Variants in ESYT3 observed in about 807,000 individuals in gnomAD.
ESYT3 encodes extended synaptotagmin 3, also known as extended synaptotagmin-3.
In ESYT3, 101 loss-of-function variants were observed where a neutral mutation model predicts 111.5. The observed-to-expected ratio is 0.91, with a 90% CI of 0.77 to 1.07. The LOEUF is 1.07. ESYT3 is among the 50% of genes least tolerant of loss of function. ESYT3 has a pLI of 0.00. For missense variants in ESYT3, 1,097 were observed against 1,109.4 expected (o/e 0.99, Z 0.16); for synonymous variants, 416 against 446.8 (o/e 0.93, Z 0.87).
intron 19 of ESYT3, among the ~76,000 whole-genome samples, chr3:138,473,967 CATT>C (rs1409592210): frequency 6.6e-6 from 1 of 152,208 alleles, no homozygotes; most frequent in East Asian, 1.9e-4. Flanking sequence ...CTACTCCAAG[CATT>C]ATAAAGATGC....
At chr3:138,443,710 G>A (rs1041064965) in intron 1 of ESYT3, among the ~76,000 whole-genome samples, 5 of 147,618 alleles carry the variant, frequency 3.4e-5, no homozygotes, top group Admixed American at 6.9e-5. Context: ...GTCTGCGTGT[G>A]TGTCCACACA....
chr3:138,469,258 T>C, intron 14 of ESYT3, 178 bp from the exon 15 acceptor site: 1 of 623,006 alleles, frequency 1.6e-6, no homozygotes. Context: ...GGTCCTGTCC[T>C]GGGGCTCGCA....
chr3:138,471,401 C>T (rs2033214177), intron 17 of ESYT3, among the ~76,000 whole-genome samples: 1 of 152,190 alleles, frequency 6.6e-6, no homozygotes, highest in South Asian at 2.1e-4. Context: ...GCCTAGTTTG[C>T]TGTTTAACCT....
At chr3:138,451,774 C>T (rs2108604135) in intron 1 of ESYT3, among the ~76,000 whole-genome samples, 1 of 152,148 alleles carries the variant, frequency 6.6e-6, no homozygotes, top group East Asian at 1.9e-4. Flanking sequence ...TGGAGCTGGG[C>T]TGCACTGCGG....
In ESYT3 at chr3:138,468,799, C is replaced by T. The variant is rs2108624950; in HGVS notation, c.1372-20C>T. 1 of 1,614,136 alleles carries T rather than the reference C, an allele frequency of 6.2e-7. No homozygotes were observed. Among genetic ancestry groups the T allele is most frequent in the Non-Finnish European group, 8.5e-7 (1 of 1,180,022 alleles). ...CAAATTGTCCTGTGTTGCTTTAACC[C>T]CGTTATTCCTGTGCTGCAGAGAAAC... On this transcript the variant is annotated intron_variant, in intron 13 of 22. Coordinates refer to ENST00000389567, the MANE Select transcript of ESYT3 (RefSeq NM_031913.5).
Position 138,478,886 on chromosome 3 carries a change from G to C in ESYT3, c.*2032G>C, listed in dbSNP as rs936569969. On this transcript the variant is annotated 3_prime_UTR_variant, in exon 23 of 23. Coordinates refer to ENST00000389567, the MANE Select transcript of ESYT3 (RefSeq NM_031913.5). ...AGGGTCTGAAGTTAACATCATCTTG[G>C]TACAGAAACCCCCAAACCTAAGACG... 1 of 151,860 alleles carries C rather than the reference G, an allele frequency of 6.6e-6. No homozygotes were observed. Among genetic ancestry groups the C allele is most frequent in the African/African-American group, 2.4e-5 (1 of 41,168 alleles). The allele number at this position is 151,860 out of a possible 1,614,324, so 9.4% of individuals were successfully genotyped here.
chr3:138,445,637 A>AT (rs1474274713), intron 1 of ESYT3, among the ~76,000 whole-genome samples: 1 of 152,240 alleles, frequency 6.6e-6, no homozygotes, highest in African/African-American at 2.4e-5. Flanking sequence ...AACTGGACAC[A>AT]TAGCTCAGGT....
chr3:138,452,165 C>A, intron 2 of ESYT3, 76 bp downstream of exon 2: 1 of 1,421,624 alleles, frequency 7.0e-7, no homozygotes, highest in Non-Finnish European at 9.7e-7. Flanking sequence ...ACCCCCACAG[C>A]CTGATGGGGG....
rs375078011 is a variant in ESYT3, at chr3:138,440,147, C to T, written c.327+5022C>T. Among the ~76,000 whole-genome samples the T allele has an allele frequency of 6.6e-6, 1 of 152,232 alleles. No individual in the cohort carries two copies. On this transcript the variant is annotated intron_variant, in intron 1 of 22. Coordinates refer to ENST00000389567, the MANE Select transcript of ESYT3 (RefSeq NM_031913.5). This position sits in a 1 kb window ranked among gnomAD's most constrained non-coding sequence, Gnocchi z 4.2. The stretch of plus-strand genomic sequence containing the variant: ...GACACATACCCCACAGGACCCCACT[C>T]GCTGCCTTTCATGCCTGTCCCCATC...
intron 11 of ESYT3, 70 bp downstream of exon 11, chr3:138,467,679 T>C: frequency 1.4e-6 from 2 of 1,456,792 alleles, no homozygotes; most frequent in Non-Finnish European, 1.9e-6. Flanking sequence ...CTCCAGCAGC[T>C]TGCTTCAGCC....
Position 138,457,619 on chromosome 3 carries a change from C to T in ESYT3, c.556C>T (p.Arg186Cys), listed in dbSNP as rs769486014. The T allele has an allele frequency of 2.6e-5, 42 of 1,614,180 alleles. No individual in the cohort carries two copies. The highest frequency in any genetic ancestry group is 1.8e-4 in the East Asian group (8 of 44,882). Reference protein sequence around the residue: ...KAHTNTCNRRRVTVDLQICYI... With the variant: ...KAHTNTCNRRCVTVDLQICYI... ...ACACACTAATACGTGCAACCGAAGA[C>T]GTGTGACTGTGGACCTGCAGATCTG... The change falls in exon 4 of 23, where the codon CGT becomes TGT. Residue 186 changes from arginine (R) to cysteine (C), a missense_variant. By Grantham distance (180) the Arg-to-Cys change is radical. Coordinates refer to ENST00000389567, the MANE Select transcript of ESYT3 (RefSeq NM_031913.5).
rs2033109029 is a variant in ESYT3, at chr3:138,469,497, C to T, written c.1496C>T (p.Thr499Ile). 2 of 1,613,866 alleles carry T rather than the reference C, an allele frequency of 1.2e-6. No individual in the cohort carries two copies. Among genetic ancestry groups the T allele is most frequent in the Non-Finnish European group, 1.7e-6 (2 of 1,179,788 alleles). The change falls in exon 15 of 23, where the codon ACA (threonine) becomes ATA (isoleucine). Residue 499 changes from threonine to isoleucine, a missense_variant. Coordinates refer to ENST00000389567, the MANE Select transcript of ESYT3 (RefSeq NM_031913.5). ...CTATCTGTAGGCAAGAAGACACATA[C>T]AAGTAAGGTAAGACAGCTTGGTGTG... ...VKLSVGKKTH[T>I]SKTCPHNKDP...
At chr3:138,445,990 A>T (rs937494748) in intron 1 of ESYT3, among the ~76,000 whole-genome samples, 12 of 152,238 alleles carry the variant, frequency 7.9e-5, no homozygotes, top group South Asian at 2.1e-4. Flanking sequence ...GGCTCAAATC[A>T]TATGCAGGTG....
At chr3:138,455,422 A>G (rs1374609002) in intron 3 of ESYT3, 94 bp downstream of exon 3, 34 of 1,415,012 alleles carry the variant, frequency 2.4e-5, no homozygotes, top group Admixed American at 3.9e-5. Flanking sequence ...GGTCAGTCAT[A>G]TGACTGCAGA....
intron 3 of ESYT3, among the ~76,000 whole-genome samples, chr3:138,456,313 C>T (rs964261943): frequency 2.6e-5 from 4 of 152,188 alleles, no homozygotes. Flanking sequence ...TGGATGACAA[C>T]GTGGCAGTAT....
At chr3:138,469,380 T>C (rs2033102023) in intron 14 of ESYT3, 56 bp from the exon 15 acceptor site, 1 of 1,501,822 alleles carries the variant, frequency 6.7e-7, no homozygotes, top group African/African-American at 1.4e-5. Context: ...GGTAGGACTG[T>C]CTCAAGCTGA....
chr3:138,459,095 C>G lies in ESYT3; in HGVS notation c.582-92C>G, dbSNP rs2032466354. ...GGGTCGGCAACTGGCTGCCTGGGCT[C>G]CGGCTGTGTGACACTGGGCAAGTTT... On this transcript the variant is annotated intron_variant, in intron 4 of 22. Transcript: ENST00000389567. The G allele has an allele frequency of 2.9e-6, 3 of 1,037,336 alleles. No individual in the cohort carries two copies. The East Asian group carries it at 8.1e-5, about 28-fold the overall frequency. The allele number at this position is 1,037,336 out of a possible 1,614,324, so 64.3% of individuals were successfully genotyped here. A position where few individuals can be genotyped will look rare whatever the true frequency, so the allele number is the denominator to read the frequency against.
chr3:138,441,114 G>A (rs1266943652), intron 1 of ESYT3, among the ~76,000 whole-genome samples: 3 of 152,258 alleles, frequency 2.0e-5, no homozygotes, highest in Non-Finnish European at 4.4e-5. Flanking sequence ...ATTGCTGGCT[G>A]TGGTAGGGAG....
At chr3:138,437,966 G>A (rs1186193027) in intron 1 of ESYT3, among the ~76,000 whole-genome samples, 3 of 152,142 alleles carry the variant, frequency 2.0e-5, no homozygotes, top group Admixed American at 6.5e-5. Context: ...CTTTTCACCC[G>A]CCTCGTGAAG....
Sources: gnomAD v4.1 joint callset for allele counts (sites outside exome capture counted in the v4.1 genomes callset) on GRCh38, gnomAD v4.1.1 for gene constraint, Gnocchi (gnomAD v3.1) non-coding constraint, MANE v1.5 for transcripts, NCBI Gene and HGNC (gene_info 2026-07-23, HGNC 2026-07-21) for gene names.